Variants in GATA2 observed in about 807,000 individuals in gnomAD.
The protein encoded by GATA2 is GATA binding protein 2.
Under a neutral mutation model 35.7 loss-of-function variants are expected in GATA2, and 6 were observed. The ratio of observed to expected loss-of-function variants is 0.17; its 90% CI spans 0.09 to 0.33. The LOEUF (loss-of-function observed/expected upper bound fraction) is 0.33. Among genes scored for constraint, GATA2 ranks in the 10% least tolerant of loss-of-function variants. The pLI, the probability that GATA2 is intolerant of heterozygous loss-of-function variation, is 1.00. For synonymous variants in GATA2, 313 were observed against 274.9 expected (o/e 1.14, Z -1.37); for missense variants, 541 against 656.6 (o/e 0.82, Z 1.92).
At chr3:128,491,529 C>A (rs149699836) in intron 1 of GATA2, among the ~76,000 whole-genome samples, 4 of 152,218 alleles carry the variant, frequency 2.6e-5, no homozygotes, top group African/African-American at 7.2e-5. Flanking sequence ...GGCATTAGAT[C>A]TCAGGCCAGC....
At chr3:128,481,967 G>A in intron 4 of GATA2, 23 bp from the exon 5 acceptor site, 1 of 1,611,530 alleles carries the variant, frequency 6.2e-7, no homozygotes, top group Non-Finnish European at 8.5e-7. Context: ...GGCAGCGTCA[G>A]CAGGCTGGAC....
Position 128,485,836 on chromosome 3 carries a change from C to T in GATA2, c.762G>A (p.Pro254=), listed in dbSNP as rs200504378. Residue 254 remains proline, a synonymous_variant, in exon 3 of 6, where the codon CCG becomes CCA. Transcript: ENST00000341105. ...CGCTGCTGTAGTCGTGGGCAGCCGC[C>T]GGCACATAGGAGGGGTAGGTGGGGA... ...HPIPTYPSYV[P]AAAHDYSSGL... 1.9e-6 allele frequency: 3 copies of T among 1,613,852 alleles called. No homozygotes were observed. Among genetic ancestry groups the T allele is most frequent in the South Asian group, 1.1e-5 (1 of 91,082 alleles).
rs773314778 is a variant in GATA2 at position 128,486,795 on chromosome 3, G to A, written c.229+8C>T. The A allele has an allele frequency of 2.5e-6, 4 of 1,593,714 alleles. No individual in the cohort carries two copies. The South Asian group carries it at 4.6e-5, about 18-fold the overall frequency. On this transcript the variant is annotated splice_region_variant and intron_variant, in intron 2 of 5. Transcript: ENST00000341105. Reference sequence around the variant, plus strand: ...CTGGGTTCTCATCACCACGGGCCCAGTGCTCACCGTGCGCGGGGCTGTAGG... The same window carrying A: ...CTGGGTTCTCATCACCACGGGCCCAATGCTCACCGTGCGCGGGGCTGTAGG...
intron 5 of GATA2, among the ~76,000 whole-genome samples, chr3:128,481,576 C>T (rs560546629): frequency 1.3e-5 from 2 of 152,246 alleles, no homozygotes; most frequent in Non-Finnish European, 2.9e-5. Flanking sequence ...GTCCTCCCCC[C>T]CACCCTGACC....
At position 128,485,741 on chromosome 3, in the gene GATA2, G is replaced by T; in HGVS notation, c.857C>A (p.Ala286Asp). Residue 286 changes from alanine (A) to aspartate (D), a missense_variant, in exon 3 of 6, where the codon GCT becomes GAT. By Grantham distance (126) the Ala-to-Asp change is moderately radical. Coordinates refer to ENST00000341105, the MANE Select transcript of GATA2 (RefSeq NM_032638.5). ...SSFTPKQRSK[A>D]RSCSEGRECV... ...CCTGCCTTTACCTGAACAGGAACGA[G>T]CCTTGCTGCGCTGCTTAGGGGTGAA... is the stretch of plus-strand genomic sequence containing the variant. The T allele has an allele frequency of 6.2e-7, 1 of 1,613,832 alleles. No individual in the cohort carries two copies.
In GATA2 at chr3:128,481,011, T is replaced by C; in HGVS notation, c.*8A>G. 6.4e-7 allele frequency: 1 copy of C among 1,557,300 alleles called. No homozygotes were observed. Among genetic ancestry groups the C allele is most frequent in the Non-Finnish European group, 8.7e-7 (1 of 1,150,078 alleles). ...GGGAGTGCCCGGTCCTCGACGTCCA[T>C]CTGTTCCCTAGCCCATGGCGGTCAC... is the stretch of plus-strand genomic sequence containing the variant. On this transcript the variant is annotated 3_prime_UTR_variant, in exon 6 of 6. Coordinates refer to ENST00000341105, the MANE Select transcript of GATA2 (RefSeq NM_032638.5).
At position 128,486,955 on chromosome 3, in the gene GATA2, T is replaced by A; in HGVS notation, c.77A>T (p.His26Leu). The A allele has an allele frequency of 6.2e-7, 1 of 1,612,112 alleles. No individual in the cohort carries two copies. The highest frequency in any genetic ancestry group is 8.5e-7 in the Non-Finnish European group (1 of 1,179,324). ...VLNAQHPDSH[H>L]PGLAHNYMEP... ...CATGTAGTTGTGCGCCAGGCCCGGG[T>A]GGTGTGAGTCGGGGTGCTGCGCATT... Residue 26 changes from histidine to leucine, a missense_variant, in exon 2 of 6, where the codon CAC (histidine) becomes CTC (leucine). Around this residue, in one of 5 missense-constraint regions of GATA2, gnomAD observed 389 missense variants for 396.9 expected, o/e 0.98. Coordinates refer to ENST00000341105, the MANE Select transcript of GATA2 (RefSeq NM_032638.5).
chr3:128,481,498 C>A (rs2068627882), intron 5 of GATA2, among the ~76,000 whole-genome samples, 180 bp from the exon 6 acceptor site: 4 of 152,204 alleles, frequency 2.6e-5, no homozygotes, highest in African/African-American at 9.6e-5. Flanking sequence ...CGGGTTCTGG[C>A]ATATGGGGCT....
chr3:128,481,798 GC>G lies in GATA2; in HGVS notation c.1143+20del, dbSNP rs748100223. 9 of 1,608,280 alleles carry G rather than the reference GC, an allele frequency of 5.6e-6. No homozygotes were observed. The highest frequency in any genetic ancestry group is 7.6e-6 in the Non-Finnish European group (9 of 1,176,738). On this transcript the variant is annotated intron_variant, in intron 5 of 5. Transcript: ENST00000341105. ...GAGGTCCCCTGGGAGGGGCGGGGTG[GC>G]CGGGGCGGGGCGCACTCACATTGTG...
In GATA2 at chr3:128,483,634, G is replaced by C. The variant is rs150619782; in HGVS notation, c.1017+226C>G. ...TTCGGGGATCCCGGAGCAGAGTGGG[G>C]TGGCGCAAGGGTGCCCGGTGGGCTC... On this transcript the variant is annotated intron_variant, in intron 4 of 5. Transcript: ENST00000341105. 2.0e-4 allele frequency among the ~76,000 whole-genome samples: 31 copies of C among 152,366 alleles called. 1 individual carries two copies. The East Asian group carries it at 2.7e-3, about 13-fold the overall frequency.
chr3:128,487,627 GC>G (rs376269977), intron 1 of GATA2: 4 of 153,002 alleles, frequency 2.6e-5, no homozygotes, highest in Admixed American at 1.3e-4. Context: ...CCGCAGCCTG[GC>G]CCCCCGCCCT....
At chr3:128,484,149 G>T in intron 3 of GATA2, 144 bp from the exon 4 acceptor site, 1 of 1,019,720 alleles carries the variant, frequency 9.8e-7, no homozygotes, top group Non-Finnish European at 1.4e-6. Context: ...AACAGCCTGG[G>T]CAGGAAGAGG....
Position 128,479,488 on chromosome 3 carries a change from T to C in GATA2, c.*1531A>G, listed in dbSNP as rs1197134932. ...ACTTTAAAGGAATAAGAGGATAGCA[T>C]ACATTTTTTACAGACAATATATAAA... On this transcript the variant is annotated 3_prime_UTR_variant, in exon 6 of 6. Coordinates refer to ENST00000341105, the MANE Select transcript of GATA2 (RefSeq NM_032638.5). The C allele has an allele frequency of 1.3e-5, 3 of 232,934 alleles. No homozygotes were observed. The highest frequency in any genetic ancestry group is 1.8e-4 in the South Asian group (1 of 5,526). 14.4% of individuals were successfully genotyped at this position (232,934 alleles called of 1,614,324 possible). A position where few individuals can be genotyped will look rare whatever the true frequency, so the allele number is the denominator to read the frequency against.
Position 128,479,925 on chromosome 3 carries a change from A to C in GATA2, c.*1094T>G, listed in dbSNP as rs1273591340. 1 of 232,370 alleles carries C rather than the reference A, an allele frequency of 4.3e-6. No homozygotes were observed. Among genetic ancestry groups the C allele is most frequent in the Non-Finnish European group, 8.5e-6 (1 of 117,622 alleles). The allele number at this position is 232,370 out of a possible 1,614,324, so 14.4% of individuals were successfully genotyped here. On this transcript the variant is annotated 3_prime_UTR_variant, in exon 6 of 6. Coordinates refer to ENST00000341105, the MANE Select transcript of GATA2 (RefSeq NM_032638.5). The stretch of plus-strand genomic sequence containing the variant: ...TGCCTTCACCCCCTGCCAGGCCAGC[A>C]AATGCCAACCAGCCCCCAGAAACCA...
chr3:128,482,038 C>A, intron 4 of GATA2, 94 bp from the exon 5 acceptor site: 2 of 1,523,136 alleles, frequency 1.3e-6, no homozygotes, highest in South Asian at 1.2e-5. Flanking sequence ...CCCACCAGCT[C>A]AGTCAAGGAG....
intron 3 of GATA2, 76 bp downstream of exon 3, chr3:128,485,651 C>G: frequency 6.5e-7 from 1 of 1,538,590 alleles, no homozygotes. Context: ...ACTGCCACCT[C>G]TCCCAAGTCA....
Position 128,487,911 on chromosome 3 carries a change from G to GCTGCCGACTC in GATA2, c.-45-845_-45-836dup. ...GCATCCTCCGGCCGCCCTGGCGCCA[G>GCTGCCGACTC]CTGCCGACTCCTGCACAGACATGAA... is the stretch of plus-strand genomic sequence containing the variant. On this transcript the variant is annotated intron_variant, in intron 1 of 5. Transcript: ENST00000341105. 2.6e-5 allele frequency: 4 copies of GCTGCCGACTC among 152,446 alleles called. No homozygotes were observed. In the East Asian group the frequency reaches 7.7e-4, roughly 29 times the overall value. 9.4% of individuals were successfully genotyped at this position (152,446 alleles called of 1,614,324 possible).
chr3:128,479,450 C>A lies in GATA2; in HGVS notation c.*1569G>T, dbSNP rs979354797. The A allele has an allele frequency of 4.3e-6, 1 of 231,084 alleles. No homozygotes were observed. The highest frequency in any genetic ancestry group is 2.2e-5 in the African/African-American group (1 of 45,174). 14.3% of individuals were successfully genotyped at this position (231,084 alleles called of 1,614,324 possible). A position where few individuals can be genotyped will look rare whatever the true frequency, so the allele number is the denominator to read the frequency against. On this transcript the variant is annotated 3_prime_UTR_variant, in exon 6 of 6. Transcript: ENST00000341105. The stretch of plus-strand genomic sequence containing the variant: ...CATTCACAAAAAGTATTTTATTATT[C>A]TTAACAGTACTCACTTTAAAGGAAT...
chr3:128,491,568 G>T (rs957562462), intron 1 of GATA2, among the ~76,000 whole-genome samples: 1 of 152,198 alleles, frequency 6.6e-6, no homozygotes, highest in Non-Finnish European at 1.5e-5. Flanking sequence ...GTTCCCAAGG[G>T]GGGGACTACT....
Sources: gnomAD v4.1 joint callset for allele counts (sites outside exome capture counted in the v4.1 genomes callset) on GRCh38, gnomAD v4.1.1 for gene constraint, gnomAD v4.1.1 regional missense constraint, MANE v1.5 for transcripts, NCBI Gene and HGNC (gene_info 2026-07-23, HGNC 2026-07-21) for gene names.